Variants in FAT2 observed in about 807,000 individuals in gnomAD.
The protein encoded by FAT2 is protocadherin Fat 2.
FAT2 carries 150 observed loss-of-function variants against 295.3 expected under a neutral mutation model. The ratio of observed to expected loss-of-function variants is 0.51; its 90% confidence interval spans 0.44 to 0.58. The LOEUF is 0.58. Ranked by LOEUF, FAT2 falls within the 20% of genes least tolerant of loss-of-function variation. The pLI is 0.00. For synonymous variants in FAT2, 2,026 were observed against 2,150.3 expected (o/e 0.94, Z 1.60); for missense variants, 4,868 against 5,442.7 (o/e 0.89, Z 3.32).
At chr5:151,541,439 T>A (rs573546522) in intron 10 of FAT2, among the ~76,000 whole-genome samples, 1 of 152,266 alleles carries the variant, frequency 6.6e-6, no homozygotes, top group Non-Finnish European at 1.5e-5. Flanking sequence ...TTTCTACAAC[T>A]CTGTATTTCA....
chr5:151,559,121 C>T (rs1016224094), intron 3 of FAT2, among the ~76,000 whole-genome samples: 2 of 152,178 alleles, frequency 1.3e-5, no homozygotes, highest in South Asian at 2.1e-4. Flanking sequence ...GGGAGCTCAG[C>T]GAGGGGAACA....
rs748397988 is a variant in FAT2 at position 151,568,971 on chromosome 5, C to T, written c.-20-20G>A. On this transcript the variant is annotated intron_variant, in intron 1 of 23. Transcript: ENST00000261800. Reference sequence around the variant, plus strand: ...GAAACCCTGGGCAGAAAATAAAAGACAGGGTGCAAGTTAGGGGGAAAAAAT... The same window carrying T: ...GAAACCCTGGGCAGAAAATAAAAGATAGGGTGCAAGTTAGGGGGAAAAAAT... 1 of 1,552,236 alleles carries T rather than the reference C, an allele frequency of 6.4e-7. No individual in the cohort carries two copies. Among genetic ancestry groups the T allele is most frequent in the Non-Finnish European group, 8.7e-7 (1 of 1,153,328 alleles).
chr5:151,581,451 C>T (rs764000431), intron 1 of FAT2, among the ~76,000 whole-genome samples: 9 of 152,188 alleles, frequency 5.9e-5, no homozygotes, highest in Non-Finnish European at 1.0e-4. Context: ...TTCCTACCTC[C>T]CTGAGCTAAC....
chr5:151,530,083 G>A (rs1754423268), intron 14 of FAT2, among the ~76,000 whole-genome samples: 1 of 152,086 alleles, frequency 6.6e-6, no homozygotes, highest in African/African-American at 2.4e-5. Flanking sequence ...AGCCCTTAAT[G>A]AAAAGGTATA....
At chr5:151,513,112 C>A (rs1237015877) in intron 20 of FAT2, among the ~76,000 whole-genome samples, 1 of 152,146 alleles carries the variant, frequency 6.6e-6, no homozygotes, top group African/African-American at 2.4e-5. Flanking sequence ...CACAAGTATA[C>A]AACAGAGTTT....
At chr5:151,515,122 G>C (rs1207211126) in intron 20 of FAT2, among the ~76,000 whole-genome samples, 1 of 152,044 alleles carries the variant, frequency 6.6e-6, no homozygotes, top group Non-Finnish European at 1.5e-5. Context: ...TCTCTGTGTT[G>C]CCAAATCACT....
intron 19 of FAT2, 121 bp from the exon 20 acceptor site, chr5:151,517,886 G>A (rs573281704): frequency 1.1e-5 from 13 of 1,229,586 alleles, no homozygotes; most frequent in Non-Finnish European, 1.5e-5. Context: ...TTTTATACAT[G>A]AAGAAACTAG....
intron 23 of FAT2, 102 bp downstream of exon 23, chr5:151,507,052 T>G (rs1056462267): frequency 4.4e-5 from 44 of 1,004,902 alleles, no homozygotes; most frequent in Non-Finnish European, 5.3e-5. Context: ...AAGGGTTGGA[T>G]GCGTGGTAGC....
chr5:151,537,148 CAGAA>C (rs1352765713), intron 12 of FAT2, among the ~76,000 whole-genome samples: 3 of 144,126 alleles, frequency 2.1e-5, no homozygotes, highest in East Asian at 2.0e-4. Flanking sequence ...GACAGAAAGA[CAGAA>C]AGAAAAAGAG....
chr5:151,532,608 G>A (rs889327607), intron 13 of FAT2, among the ~76,000 whole-genome samples: 3 of 152,240 alleles, frequency 2.0e-5, no homozygotes, highest in African/African-American at 7.2e-5. Flanking sequence ...TTCCTATGGA[G>A]TCTATAATTA....
rs2127642275 is a variant in FAT2, at chr5:151,563,564, C to T, written c.3335G>A (p.Arg1112Lys). The T allele has an allele frequency of 1.2e-6, 2 of 1,614,162 alleles. No individual in the cohort carries two copies. Among genetic ancestry groups the T allele is most frequent in the Non-Finnish European group, 1.7e-6 (2 of 1,180,028 alleles). The change falls in exon 3 of 24, where the codon AGG (arginine) becomes AAG (lysine). Residue 1112 changes from arginine to lysine, a missense_variant. Coordinates refer to ENST00000261800, the MANE Select transcript of FAT2 (RefSeq NM_001447.3). ...TACAGAAGAGAGGGGCACAGAACCC[C>T]TGTCCACTGCTAATACCGTCAACCA... ...YYWLTVLAVD[R>K]GSVPLSSVTE...
intron 2 of FAT2, among the ~76,000 whole-genome samples, chr5:151,564,292 A>G (rs1416922294): frequency 1.3e-5 from 2 of 152,268 alleles, no homozygotes; most frequent in African/African-American, 4.8e-5. Flanking sequence ...GCTCACAGCC[A>G]TAGCATAACA....
In FAT2 at chr5:151,512,225, C is replaced by T. The variant is rs371179898; in HGVS notation, c.11845G>A (p.Asp3949Asn). Residue 3949 changes from aspartate to asparagine, a missense_variant, in exon 21 of 24, where the codon GAC becomes AAC. This residue lies in a region of FAT2 where 24 missense variants were observed against 53.3 expected (regional missense o/e 0.45). Coordinates refer to ENST00000261800, the MANE Select transcript of FAT2 (RefSeq NM_001447.3). The surrounding 1 kb of genome is among the most constrained non-coding windows in gnomAD (Gnocchi z 4.1). The part of the protein sequence containing the change: ...QALTQCCLHS[D>N]YCSQNTCLNG... ...AGGCATGTGTTCTGGCTGCAGTAGT[C>T]ACTGTGGAGGCAGCACTGGGTGAGG... 3.2e-5 allele frequency: 52 copies of T among 1,614,084 alleles called. 1 individual carries two copies. In the East Asian group the frequency reaches 6.2e-4, roughly 19 times the overall value.
chr5:151,561,548 A>G (rs961709269), intron 3 of FAT2, among the ~76,000 whole-genome samples: 46 of 152,138 alleles, frequency 3.0e-4, no homozygotes, highest in African/African-American at 1.1e-3. Context: ...ACACCATCAC[A>G]CCAGGCTAAT....
At chr5:151,517,538 T>C in intron 20 of FAT2, 82 bp downstream of exon 20, 1 of 1,540,924 alleles carries the variant, frequency 6.5e-7, no homozygotes, top group East Asian at 2.3e-5. Flanking sequence ...GAAATGGGCT[T>C]CCTGACATTC....
Position 151,537,347 on chromosome 5 carries a change from AGAAAAAAG to A in FAT2, c.9193+438_9193+445del, listed in dbSNP as rs1267325580. Among the ~76,000 whole-genome samples, 781 of 88,490 alleles carry A rather than the reference AGAAAAAAG, an allele frequency of 8.8e-3. 5 individuals are homozygous for A. Among genetic ancestry groups the A allele is most frequent in the African/African-American group, 0.02 (738 of 36,324 alleles). 58.1% of individuals were successfully genotyped at this position (88,490 alleles called of 152,430 possible). ...AAAAAAAGAAAGAAAAGAAAAGAAA[AGAAAAAAG>A]AAGGAAGGAAGGAAAGAAACAACGA... On this transcript the variant is annotated intron_variant, in intron 12 of 23. Transcript: ENST00000261800.
At position 151,505,125 on chromosome 5, in the gene FAT2, C is replaced by T. The variant is rs74632702; in HGVS notation, c.*440G>A. 9.2e-4 allele frequency: 244 copies of T among 265,134 alleles called. No homozygotes were observed. The highest frequency in any genetic ancestry group is 5.3e-3 in the African/African-American group (231 of 43,252). The allele number at this position is 265,134 out of a possible 1,614,324, so 16.4% of individuals were successfully genotyped here. A position where few individuals can be genotyped will look rare whatever the true frequency, so the allele number is the denominator to read the frequency against. On this transcript the variant is annotated 3_prime_UTR_variant, in exon 24 of 24. Coordinates refer to ENST00000261800, the MANE Select transcript of FAT2 (RefSeq NM_001447.3). ...CTCTAGAGCTCCTCTGTACGGCCCG[C>T]GTAGTGGTTGTCTGTCAGGCACCAA...
intron 12 of FAT2, among the ~76,000 whole-genome samples, chr5:151,535,146 C>CTT (rs1199275929): frequency 1.3e-5 from 2 of 151,846 alleles, no homozygotes; most frequent in Admixed American, 6.6e-5. Context: ...TTTAGCCACA[C>CTT]AGTAAAACAC....
In FAT2 at chr5:151,568,752, G is replaced by A. The variant is rs768641090; in HGVS notation, c.180C>T (p.Ile60=). 1.2e-6 allele frequency: 2 copies of A among 1,614,178 alleles called. No individual in the cohort carries two copies. The highest frequency in any genetic ancestry group is 2.2e-5 in the South Asian group (2 of 91,080). ...TYVESFEKMG[I]YLAEPQWAVR... ...CTGCCCACTGTGGCTCCGCGAGGTA[G>A]ATGCCCATTTTCTCGAAGCTCTCCA... The change falls in exon 2 of 24, where the codon ATC becomes ATT. Residue 60 remains isoleucine, a synonymous_variant. Transcript: ENST00000261800.
Sources: allele counts gnomAD v4.1 joint callset (sites outside exome capture counted in the v4.1 genomes callset), GRCh38; gene constraint gnomAD v4.1.1; regional missense constraint gnomAD v4.1.1; non-coding constraint Gnocchi (gnomAD v3.1); transcripts MANE v1.5; gene names NCBI Gene and HGNC (gene_info 2026-07-23, HGNC 2026-07-21).